Variants in ABTB2 observed in about 807,000 individuals in gnomAD.
ABTB2 encodes the protein ankyrin repeat and BTB/POZ domain-containing protein 2.
ABTB2 carries 56 observed loss-of-function variants against 104.1 expected under a neutral mutation model. The observed-to-expected ratio is 0.54, with a 90% CI of 0.43 to 0.67. The LOEUF (loss-of-function observed/expected upper bound fraction) is 0.67, where lower values mean the gene tolerates loss of function less well. Ranked by LOEUF, ABTB2 falls within the 30% of genes least tolerant of loss-of-function variation. The pLI is 0.00. For missense variants in ABTB2, 1,279 were observed against 1,407.7 expected, an observed-to-expected ratio of 0.91 and a Z score of 1.46; for synonymous variants, 606 against 608.2, an observed-to-expected ratio of 1.00 and a Z score of 0.05.
At chr11:34,160,154 G>T in intron 12 of ABTB2, 94 bp downstream of exon 12, 1 of 1,347,578 alleles carries the variant, frequency 7.4e-7, no homozygotes, top group Non-Finnish European at 1.0e-6. Context: ...CTTGGCGCTT[G>T]GAAATGGAGA....
At chr11:34,219,337 G>C (rs1590220246) in intron 1 of ABTB2, among the ~76,000 whole-genome samples, 1 of 152,152 alleles carries the variant, frequency 6.6e-6, no homozygotes, top group South Asian at 2.1e-4. Context: ...AGGATTGCTT[G>C]AGTTCAAAGC....
intron 4 of ABTB2, among the ~76,000 whole-genome samples, chr11:34,171,453 T>C (rs1852872878): frequency 6.6e-6 from 1 of 152,156 alleles, no homozygotes; most frequent in African/African-American, 2.4e-5. Context: ...CATGTGCCTG[T>C]ATCCCTACTA....
intron 1 of ABTB2, among the ~76,000 whole-genome samples, chr11:34,318,274 G>A (rs531580193): frequency 3.4e-4 from 52 of 152,140 alleles, no homozygotes; most frequent in South Asian, 6.2e-4. Context: ...CTGGCTCCAC[G>A]TTTTTTGGTT....
At chr11:34,257,605 T>C (rs1021282159) in intron 1 of ABTB2, among the ~76,000 whole-genome samples, 2 of 152,142 alleles carry the variant, frequency 1.3e-5, no homozygotes, top group East Asian at 3.8e-4. Flanking sequence ...TTCTTTTTTT[T>C]TGAGACAGGA....
chr11:34,356,665 C>G lies in ABTB2; in HGVS notation c.883+36G>C. The G allele has an allele frequency of 2.6e-6, 4 of 1,520,220 alleles. No homozygotes were observed. The highest frequency in any genetic ancestry group is 3.6e-6 in the Non-Finnish European group (4 of 1,125,868). The allele number at this position is 1,520,220 out of a possible 1,614,324, so 94.2% of individuals were successfully genotyped here. A position where few individuals can be genotyped will look rare whatever the true frequency, so the allele number is the denominator to read the frequency against. Reference sequence around the variant, plus strand: ...AGTAGCCCAGGGCGGGATTTCTTGCCTACCCAGTCTGCCAGTCCGAGGCCC... The same window carrying G: ...AGTAGCCCAGGGCGGGATTTCTTGCGTACCCAGTCTGCCAGTCCGAGGCCC... On this transcript the variant is annotated intron_variant, in intron 1 of 16. Transcript: ENST00000435224. This position sits in a 1 kb window ranked among gnomAD's most constrained non-coding sequence, Gnocchi z 4.6.
chr11:34,308,305 AAAG>A (rs1854803107), intron 1 of ABTB2, among the ~76,000 whole-genome samples: 1 of 152,238 alleles, frequency 6.6e-6, no homozygotes, highest in Non-Finnish European at 1.5e-5. Context: ...CTACTGACTG[AAAG>A]AAGATGGCTG....
At chr11:34,281,018 T>A (rs1854442448) in intron 1 of ABTB2, among the ~76,000 whole-genome samples, 1 of 152,090 alleles carries the variant, frequency 6.6e-6, no homozygotes, top group Non-Finnish European at 1.5e-5. Context: ...GTGGTGGCAA[T>A]GAAAGTGGTC....
Position 34,357,926 on chromosome 11 carries a change from C to A in ABTB2, c.-343G>T, listed in dbSNP as rs1855488251. 4.0e-6 allele frequency: 1 copy of A among 249,008 alleles called. No homozygotes were observed. The highest frequency in any genetic ancestry group is 1.3e-4 in the South Asian group (1 of 7,966). The allele number at this position is 249,008 out of a possible 1,614,324, so 15.4% of individuals were successfully genotyped here. On this transcript the variant is annotated 5_prime_UTR_variant, in exon 1 of 17. Transcript: ENST00000435224. Reference sequence around the variant, plus strand: ...TCCCGGGAGAACAGGGCGGCGGCGGCAGAAGGAGGAGGCGGCGGCGCAGGG... The same window carrying A: ...TCCCGGGAGAACAGGGCGGCGGCGGAAGAAGGAGGAGGCGGCGGCGCAGGG...
intron 1 of ABTB2, among the ~76,000 whole-genome samples, chr11:34,320,376 A>T (rs1301112375): frequency 6.6e-6 from 1 of 152,208 alleles, no homozygotes; most frequent in East Asian, 1.9e-4. Flanking sequence ...GTCAGAAGGC[A>T]GGGTCCTAAA....
At chr11:34,278,806 C>G (rs936467725) in intron 1 of ABTB2, among the ~76,000 whole-genome samples, 2 of 152,178 alleles carry the variant, frequency 1.3e-5, no homozygotes, top group Non-Finnish European at 2.9e-5. Context: ...ACACACAAAG[C>G]TGTGTGCTGG....
At chr11:34,307,784 C>T (rs1364430467) in intron 1 of ABTB2, among the ~76,000 whole-genome samples, 4 of 152,036 alleles carry the variant, frequency 2.6e-5, no homozygotes, top group African/African-American at 4.8e-5. Context: ...CCGCAACCTC[C>T]GTCTCCCGGG....
chr11:34,334,256 A>G (rs956405117), intron 1 of ABTB2, among the ~76,000 whole-genome samples: 1 of 152,186 alleles, frequency 6.6e-6, no homozygotes, highest in African/African-American at 2.4e-5. Flanking sequence ...TTTTAGACAC[A>G]TACGGGAGCT....
chr11:34,304,185 A>T (rs1241468194), intron 1 of ABTB2, among the ~76,000 whole-genome samples: 1 of 152,206 alleles, frequency 6.6e-6, no homozygotes. Context: ...AACATGGTAT[A>T]TCTAGAGCTC....
intron 7 of ABTB2, 22 bp from the exon 8 acceptor site, chr11:34,165,378 A>G (rs1482648941): frequency 1.3e-6 from 2 of 1,570,848 alleles, no homozygotes; most frequent in South Asian, 1.2e-5. Context: ...ACAGAGGAGG[A>G]GGGCACTGCT....
chr11:34,319,919 C>A (rs190637175), intron 1 of ABTB2, among the ~76,000 whole-genome samples: 1 of 152,062 alleles, frequency 6.6e-6, no homozygotes. Context: ...CCACCCACCT[C>A]GGCCTCCCAA....
At chr11:34,222,800 A>G (rs918501194) in intron 1 of ABTB2, among the ~76,000 whole-genome samples, 1 of 152,152 alleles carries the variant, frequency 6.6e-6, no homozygotes, top group Non-Finnish European at 1.5e-5. Flanking sequence ...TTGCCTCCCT[A>G]TGGGAAAACT....
At chr11:34,196,276 G>C (rs541511347) in intron 3 of ABTB2, among the ~76,000 whole-genome samples, 1 of 152,138 alleles carries the variant, frequency 6.6e-6, no homozygotes, top group African/African-American at 2.4e-5. Context: ...TCCTAAGACC[G>C]GGCGCGGTGG....
chr11:34,317,761 CAAAAAAAA>C (rs772418965), intron 1 of ABTB2, among the ~76,000 whole-genome samples: 1 of 125,640 alleles, frequency 8.0e-6, no homozygotes, highest in Non-Finnish European at 1.7e-5. Context: ...AATCCTGTCT[CAAAAAAAA>C]AAAAAAAAAA....
chr11:34,152,715 T>C (rs1354611066), intron 16 of ABTB2, 131 bp from the exon 17 acceptor site: 5 of 818,062 alleles, frequency 6.1e-6, no homozygotes, highest in Non-Finnish European at 7.7e-6. Context: ...AGGCGTTCCC[T>C]GTCCCTGCAT....
Sources: allele counts gnomAD v4.1 joint callset (sites outside exome capture counted in the v4.1 genomes callset), GRCh38; gene constraint gnomAD v4.1.1; non-coding constraint Gnocchi (gnomAD v3.1); transcripts MANE v1.5; gene names NCBI Gene and HGNC (gene_info 2026-07-23, HGNC 2026-07-21).